The following OTOGL variants were observed in gnomAD, a reference collection of about 807,000 sequenced individuals.
OTOGL encodes the protein otogelin-like protein.
In OTOGL, 285 loss-of-function variants were observed where a neutral mutation model predicts 318.5. That is an observed-to-expected ratio of 0.89 (90% confidence interval 0.81 to 0.99). The LOEUF (loss-of-function observed/expected upper bound fraction) is 0.99, where lower values mean the gene tolerates loss of function less well. Ranked by LOEUF, OTOGL falls within the 50% of genes least tolerant of loss-of-function variation. The pLI, the probability that OTOGL is intolerant of heterozygous loss-of-function variation, is 0.00. For synonymous variants in OTOGL, 987 were observed against 936.5 expected, an observed-to-expected ratio of 1.05 and a Z score of -0.99; for missense variants, 2,899 against 2,845.6, an observed-to-expected ratio of 1.02 and a Z score of -0.43.
intron 52 of OTOGL, among the ~76,000 whole-genome samples, chr12:80,360,616 G>A (rs1890185479): frequency 1.3e-5 from 2 of 151,800 alleles, no homozygotes; most frequent in Admixed American, 1.3e-4. Flanking sequence ...TGAGTAGCTG[G>A]GACTGCAGGC....
intron 17 of OTOGL, 119 bp downstream of exon 17, chr12:80,256,579 A>G: frequency 1.5e-6 from 2 of 1,376,702 alleles, no homozygotes; most frequent in East Asian, 2.6e-5. Context: ...CCTAGCATTT[A>G]TAGAGTTTGT....
intron 35 of OTOGL, among the ~76,000 whole-genome samples, chr12:80,325,316 A>G (rs1346473152): frequency 2.0e-5 from 3 of 152,230 alleles, no homozygotes; most frequent in East Asian, 1.9e-4. Context: ...AAACAGAAAC[A>G]AAAGAAAACA....
Position 80,336,430 on chromosome 12 carries a change from T to C in OTOGL, c.4618T>C (p.Ser1540Pro), listed in dbSNP as rs752061706. 6.2e-7 allele frequency: 1 copy of C among 1,606,908 alleles called. No homozygotes were observed. The highest frequency in any genetic ancestry group is 2.2e-5 in the East Asian group (1 of 44,756). Residue 1540 changes from serine to proline, a missense_variant, in exon 40 of 59, where the codon TCA becomes CCA. Physicochemically the swap from Ser to Pro is moderately conservative, Grantham distance 74 (BLOSUM62 -1). Around this residue, in one of 3 missense-constraint regions of OTOGL, gnomAD observed 2,607 missense variants for 2,524.9 expected, o/e 1.03. Transcript: ENST00000547103. ...TTTTATAGGTCGGTGTTCCATGTTGTCAGAACTGAGCATTATTACATTTGA... is the reference window on the plus strand; with the variant it reads ...TTTTATAGGTCGGTGTTCCATGTTGCCAGAACTGAGCATTATTACATTTGA... ...WECPCRCSML[S>P]ELSIITFDGN...
intron 1 of OTOGL, among the ~76,000 whole-genome samples, chr12:80,205,691 G>T (rs1216248020): frequency 6.6e-6 from 1 of 152,206 alleles, no homozygotes; most frequent in Non-Finnish European, 1.5e-5. Flanking sequence ...AACTTGAAAT[G>T]TGTTAGGTTT....
chr12:80,115,662 C>A (rs935115746), intron 1 of OTOGL, among the ~76,000 whole-genome samples: 4 of 152,228 alleles, frequency 2.6e-5, no homozygotes, highest in Admixed American at 1.3e-4. Flanking sequence ...TTGCTTCCCC[C>A]CAGGTGCTCT....
In OTOGL at chr12:80,339,116, T is replaced by A; in HGVS notation, c.4902T>A (p.Ser1634Arg). The A allele has an allele frequency of 6.2e-7, 1 of 1,611,694 alleles. No individual in the cohort carries two copies. The highest frequency in any genetic ancestry group is 1.1e-5 in the South Asian group (1 of 90,996). The change falls in exon 43 of 59, where the codon AGT becomes AGA. Residue 1634 changes from serine (S) to arginine (R), a missense_variant. Ser to Arg is a moderately radical substitution (Grantham distance 110). This residue lies in a region of OTOGL where 2,607 missense variants were observed against 2,524.9 expected (regional missense o/e 1.03). Coordinates refer to ENST00000547103, the MANE Select transcript of OTOGL (RefSeq NM_001378609.3). ...TTGTTGTGCCTTTGCCCTTTTCAAG[T>A]CAGGAACTGTCCATAGAGGATTCTG... ...DSIVVPLPFS[S>R]QELSIEDSGS...
At chr12:80,183,827 C>A (rs1034819431) in intron 1 of OTOGL, among the ~76,000 whole-genome samples, 14 of 152,098 alleles carry the variant, frequency 9.2e-5, no homozygotes, top group African/African-American at 3.4e-4. Flanking sequence ...CAAATAGGAC[C>A]CTTGCTCCAT....
intron 1 of OTOGL, among the ~76,000 whole-genome samples, chr12:80,148,805 C>T (rs894915809): frequency 3.9e-5 from 6 of 152,294 alleles, no homozygotes; most frequent in African/African-American, 1.4e-4. Flanking sequence ...TCATTCATTT[C>T]ATCTTCTGTT....
rs2137916347 is a variant in OTOGL, at chr12:80,336,919, C to T, written c.4775C>T (p.Ser1592Phe). The T allele has an allele frequency of 6.3e-7, 1 of 1,584,538 alleles. No homozygotes were observed. The highest frequency in any genetic ancestry group is 8.6e-7 in the Non-Finnish European group (1 of 1,163,602). ...AATTTTTTTCAAATTAAGGCTCCCT[C>T]TGGAAGAATCTCTGGACTTTGTTTT... Reference protein sequence around the residue: ...NGNSLKKLAPSGRISGLCFKK... With the variant: ...NGNSLKKLAPFGRISGLCFKK... The change falls in exon 42 of 59, where the codon TCT (serine) becomes TTT (phenylalanine). Residue 1592 changes from serine to phenylalanine, a missense_variant. Physicochemically the swap from Ser to Phe is radical, Grantham distance 155. Transcript: ENST00000547103.
chr12:80,309,667 T>A (rs1886498034), intron 29 of OTOGL, among the ~76,000 whole-genome samples: 1 of 152,218 alleles, frequency 6.6e-6, no homozygotes, highest in Non-Finnish European at 1.5e-5. Context: ...CAAGAAGGTC[T>A]CCTACTTTCC....
intron 1 of OTOGL, among the ~76,000 whole-genome samples, chr12:80,195,873 T>G (rs1387084855): frequency 6.6e-6 from 1 of 152,154 alleles, no homozygotes; most frequent in Non-Finnish European, 1.5e-5. Context: ...TCCTCCCCTT[T>G]CCCCAGTGGA....
intron 7 of OTOGL, among the ~76,000 whole-genome samples, chr12:80,227,133 C>T (rs1368194973): frequency 6.6e-6 from 1 of 152,012 alleles, no homozygotes; most frequent in Non-Finnish European, 1.5e-5. Context: ...CTCACTGATT[C>T]TTGCCTATTT....
Position 80,352,438 on chromosome 12 carries a change from T to G in OTOGL, c.5407+2T>G, listed in dbSNP as rs763378707. The G allele has an allele frequency of 1.9e-6, 3 of 1,541,516 alleles. No individual in the cohort carries two copies. The highest frequency in any genetic ancestry group is 2.6e-6 in the Non-Finnish European group (3 of 1,154,312). ...AGTGGAGAACACCTGATTACTGCTG[T>G]GAGTAACTGTTAACTGAATATTTTT... is the stretch of plus-strand genomic sequence containing the variant. On this transcript the variant is annotated splice_donor_variant, in intron 45 of 58. Coordinates refer to ENST00000547103, the MANE Select transcript of OTOGL (RefSeq NM_001378609.3). LOFTEE classifies it high-confidence loss of function.
chr12:80,212,008 C>T lies in OTOGL; in HGVS notation c.168+11C>T. 6.4e-7 allele frequency: 1 copy of T among 1,567,180 alleles called. No homozygotes were observed. The highest frequency in any genetic ancestry group is 8.6e-7 in the Non-Finnish European group (1 of 1,160,996). On this transcript the variant is annotated intron_variant, in intron 4 of 58. Coordinates refer to ENST00000547103, the MANE Select transcript of OTOGL (RefSeq NM_001378609.3). ...CTTTTAGCAGCACAGGTAGGTTATG[C>T]TTCAGGTGGAGAGAGAGGCAGAGAA... is the stretch of plus-strand genomic sequence containing the variant.
Position 80,313,590 on chromosome 12 carries a change from C to T in OTOGL, c.3565C>T (p.Gln1189Ter), listed in dbSNP as rs1347291734. ...AGCTGCATATGCATACAAGTGTTGT[C>T]AGGAAGGAATATCAATTCATTGGAG... ...SIAAYAYKCC[Q>*]EGISIHWRSS... Residue 1189 changes from glutamine to a stop codon, truncating the protein, a stop_gained, in exon 31 of 59, where the codon CAG becomes TAG. Coordinates refer to ENST00000547103, the MANE Select transcript of OTOGL (RefSeq NM_001378609.3). LOFTEE classifies it high-confidence loss of function. 6.2e-7 allele frequency: 1 copy of T among 1,612,606 alleles called. No individual in the cohort carries two copies. Among genetic ancestry groups the T allele is most frequent in the Non-Finnish European group, 8.5e-7 (1 of 1,179,158 alleles).
chr12:80,345,381 A>G (rs1889131831), intron 44 of OTOGL, among the ~76,000 whole-genome samples: 1 of 151,170 alleles, frequency 6.6e-6, no homozygotes, highest in Non-Finnish European at 1.5e-5. Flanking sequence ...GATTACAGGC[A>G]TGTGCCACCA....
intron 1 of OTOGL, among the ~76,000 whole-genome samples, chr12:80,200,024 G>T (rs535896719): frequency 6.6e-6 from 1 of 152,094 alleles, no homozygotes; most frequent in Non-Finnish European, 1.5e-5. Flanking sequence ...AAGCACATCA[G>T]GAAAAGGAGA....
chr12:80,266,621 G>A lies in OTOGL; in HGVS notation c.2390+5G>A, dbSNP rs761562927. ...TCTTAACTTTTGTGTACCCATGTAA[G>A]TCGTAGAAACAGGTTGGCAGCATCC... On this transcript the variant is annotated splice_donor_5th_base_variant and intron_variant, in intron 21 of 58. Transcript: ENST00000547103. 6.2e-7 allele frequency: 1 copy of A among 1,611,516 alleles called. No homozygotes were observed. Among genetic ancestry groups the A allele is most frequent in the Non-Finnish European group, 8.5e-7 (1 of 1,178,444 alleles).
chr12:80,310,497 T>A (rs866660798), intron 29 of OTOGL, 114 bp from the exon 30 acceptor site: 2 of 661,396 alleles, frequency 3.0e-6, no homozygotes, highest in Middle Eastern at 4.1e-4. Context: ...AAATCCTATC[T>A]AAAAGGATGA....
Sources: gnomAD v4.1 joint callset for allele counts (sites outside exome capture counted in the v4.1 genomes callset) on GRCh38, gnomAD v4.1.1 for gene constraint, gnomAD v4.1.1 regional missense constraint, MANE v1.5 for transcripts, NCBI Gene and HGNC (gene_info 2026-07-23, HGNC 2026-07-21) for gene names.